Variants in SOX1 observed in about 807,000 individuals in gnomAD.
The protein encoded by SOX1 is transcription factor SOX-1.
In SOX1, 1 loss-of-function variant was observed where a neutral mutation model predicts 0.9. That is an observed-to-expected ratio of 1.07 (90% confidence interval 0.38 to 5.06). The LOEUF (loss-of-function observed/expected upper bound fraction) is 5.06. Among genes scored for constraint, SOX1 ranks in the 30% most tolerant of loss-of-function variants. The pLI is 0.16. For synonymous variants in SOX1, 397 were observed against 265.5 expected (o/e 1.50, Z -4.81); for missense variants, 564 against 534.4 (o/e 1.06, Z -0.55).
chr13:112,068,910 G>C lies in SOX1; in HGVS notation c.*76G>C. 1 of 1,112,158 alleles carries C rather than the reference G, an allele frequency of 9.0e-7. No individual in the cohort carries two copies. The highest frequency in any genetic ancestry group is 1.1e-6 in the Non-Finnish European group (1 of 887,068). 68.9% of individuals were successfully genotyped at this position (1,112,158 alleles called of 1,614,324 possible). A position where few individuals can be genotyped will look rare whatever the true frequency, so the allele number is the denominator to read the frequency against. ...CCGCGCCCGGCTCCCGCCCCGCCCC[G>C]GCGCGGCGTGGCTTTTGTACAGACG... On this transcript the variant is annotated 3_prime_UTR_variant, in exon 1 of 1. Coordinates refer to ENST00000330949, the MANE Select transcript of SOX1 (RefSeq NM_005986.3). This position sits in a 1 kb window ranked among gnomAD's most constrained non-coding sequence, Gnocchi z 6.9.
chr13:112,068,193 G>A lies in SOX1; in HGVS notation c.535G>A (p.Gly179Ser), dbSNP rs2138616462. 2.5e-6 allele frequency: 2 copies of A among 813,200 alleles called. No homozygotes were observed. Among genetic ancestry groups the A allele is most frequent in the South Asian group, 5.3e-5 (1 of 18,758 alleles). 50.4% of individuals were successfully genotyped at this position (813,200 alleles called of 1,614,324 possible). A position where few individuals can be genotyped will look rare whatever the true frequency, so the allele number is the denominator to read the frequency against. Reference sequence around the variant, plus strand: ...GGAGAGCCCAGGCGGCGCGGCGGGCGGCGGCTACGCGCACGTCAACGGCTG... The same window carrying A: ...GGAGAGCCCAGGCGGCGCGGCGGGCAGCGGCTACGCGCACGTCAACGGCTG... ...RLESPGGAAG[G>S]GYAHVNGWAN... Residue 179 changes from glycine to serine, a missense_variant, in exon 1 of 1, where the codon GGC (glycine) becomes AGC (serine). By Grantham distance (56) the Gly-to-Ser change is moderately conservative. Transcript: ENST00000330949. This position sits in a 1 kb window ranked among gnomAD's most constrained non-coding sequence, Gnocchi z 6.9.
In SOX1 at chr13:112,068,883, G is replaced by A; in HGVS notation, c.*49G>A. The stretch of plus-strand genomic sequence containing the variant: ...TGCGGCGGCGACCCACGAGCTCGCG[G>A]CCCGCGCCCGGCTCCCGCCCCGCCC... On this transcript the variant is annotated 3_prime_UTR_variant, in exon 1 of 1. Coordinates refer to ENST00000330949, the MANE Select transcript of SOX1 (RefSeq NM_005986.3). The surrounding 1 kb of genome is among the most constrained non-coding windows in gnomAD (Gnocchi z 6.9). The A allele has an allele frequency of 8.4e-7, 1 of 1,188,172 alleles. No individual in the cohort carries two copies. The highest frequency in any genetic ancestry group is 1.1e-6 in the Non-Finnish European group (1 of 949,666). 73.6% of individuals were successfully genotyped at this position (1,188,172 alleles called of 1,614,324 possible).
At position 112,067,735 on chromosome 13, in the gene SOX1, C is replaced by A. The variant is rs745918667; in HGVS notation, c.77C>A (p.Ala26Asp). The change falls in exon 1 of 1, where the codon GCC becomes GAC. Residue 26 changes from alanine to aspartate, a missense_variant. Coordinates refer to ENST00000330949, the MANE Select transcript of SOX1 (RefSeq NM_005986.3). The surrounding 1 kb of genome is among the most constrained non-coding windows in gnomAD (Gnocchi z 5.1). ...AQAPTNLSGP[A>D]GAGGGGGGGG... ...GCCCCCACGAACCTCTCGGGCCCCG[C>A]CGGGGCGGGCGGCGGCGGGGGCGGA... 1 of 1,232,868 alleles carries A rather than the reference C, an allele frequency of 8.1e-7. No individual in the cohort carries two copies. Among genetic ancestry groups the A allele is most frequent in the Admixed American group, 4.2e-5 (1 of 23,982 alleles). The allele number at this position is 1,232,868 out of a possible 1,614,324, so 76.4% of individuals were successfully genotyped here.
rs1459150955 is a variant in SOX1 at position 112,068,117 on chromosome 13, G to A, written c.459G>A (p.Val153=). Residue 153 remains valine, a synonymous_variant, in exon 1 of 1, where the codon GTG becomes GTA. Transcript: ENST00000330949. The surrounding 1 kb of genome is among the most constrained non-coding windows in gnomAD (Gnocchi z 6.9). ...GCGCGGGTGGCGGCGGCGCGGCTGT[G>A]GCCATGGGCGTGGGCGTGGGCGTGG... ...AAGAGGGGAA[V]AMGVGVGVGA... is the part of the protein sequence containing the mutation. 2 of 1,341,136 alleles carry A rather than the reference G, an allele frequency of 1.5e-6. No individual in the cohort carries two copies. The highest frequency in any genetic ancestry group is 6.8e-5 in the East Asian group (2 of 29,502). 83.1% of individuals were successfully genotyped at this position (1,341,136 alleles called of 1,614,324 possible). A position where few individuals can be genotyped will look rare whatever the true frequency, so the allele number is the denominator to read the frequency against.
In SOX1 at chr13:112,068,127, G is replaced by A. The variant is rs1192747864; in HGVS notation, c.469G>A (p.Val157Met). ...GGGGAAVAMGVGVGVGAAAVG... is the reference protein window; with the variant it reads ...GGGGAAVAMGMGVGVGAAAVG... Reference sequence around the variant, plus strand: ...CGGCGGCGCGGCTGTGGCCATGGGCGTGGGCGTGGGCGTGGGCGCGGCGGC... The same window carrying A: ...CGGCGGCGCGGCTGTGGCCATGGGCATGGGCGTGGGCGTGGGCGCGGCGGC... Residue 157 changes from valine to methionine, a missense_variant, in exon 1 of 1, where the codon GTG becomes ATG. Transcript: ENST00000330949. The surrounding 1 kb of genome is among the most constrained non-coding windows in gnomAD (Gnocchi z 6.9). The A allele has an allele frequency of 6.6e-6, 6 of 913,434 alleles. No individual in the cohort carries two copies. Among genetic ancestry groups the A allele is most frequent in the South Asian group, 6.1e-5 (1 of 16,518 alleles). The allele number at this position is 913,434 out of a possible 1,614,324, so 56.6% of individuals were successfully genotyped here. A position where few individuals can be genotyped will look rare whatever the true frequency, so the allele number is the denominator to read the frequency against.
chr13:112,067,778 C>A lies in SOX1; in HGVS notation c.120C>A (p.Gly40=), dbSNP rs373543612. 255 of 1,316,598 alleles carry A rather than the reference C, an allele frequency of 1.9e-4. 3 individuals are homozygous for A. Among genetic ancestry groups the A allele is most frequent in the Admixed American group, 5.3e-4 (17 of 31,886 alleles). 81.6% of individuals were successfully genotyped at this position (1,316,598 alleles called of 1,614,324 possible). The part of the protein sequence containing the change: ...GGGGGGGGGG[G]GGGAKANQDR... ...GGGGCGGAGGCGGGGGCGGCGGCGG[C>A]GGCGGGGGCGCCAAGGCCAACCAGG... is the stretch of plus-strand genomic sequence containing the variant. Residue 40 remains glycine, a synonymous_variant, in exon 1 of 1, where the codon GGC becomes GGA. Transcript: ENST00000330949. The surrounding 1 kb of genome is among the most constrained non-coding windows in gnomAD (Gnocchi z 5.1).
At position 112,067,411 on chromosome 13, in the gene SOX1, C is replaced by T. The variant is rs1402206490; in HGVS notation, c.-248C>T. ...CGGCGAAGACGGCGACCCCGACCGT[C>T]GGCCTCTTTGGCAAGTGGTTTGTGC... On this transcript the variant is annotated 5_prime_UTR_variant, in exon 1 of 1. Transcript: ENST00000330949. The surrounding 1 kb of genome is among the most constrained non-coding windows in gnomAD (Gnocchi z 5.1). Among the ~76,000 whole-genome samples, 1 of 152,168 alleles carries T rather than the reference C, an allele frequency of 6.6e-6. No homozygotes were observed. Among genetic ancestry groups the T allele is most frequent in the Non-Finnish European group, 1.5e-5 (1 of 68,034 alleles).
rs1190730775 is a variant in SOX1 at position 112,069,704 on chromosome 13, C to G, written c.*870C>G. The G allele has an allele frequency of 1.2e-5, 2 of 167,026 alleles. No homozygotes were observed. Among genetic ancestry groups the G allele is most frequent in the African/African-American group, 4.8e-5 (2 of 41,406 alleles). The allele number at this position is 167,026 out of a possible 1,614,324, so 10.3% of individuals were successfully genotyped here. A position where few individuals can be genotyped will look rare whatever the true frequency, so the allele number is the denominator to read the frequency against. ...TGAGTTCAAAATGCAATGAGGAAAT[C>G]TGACAGGGAAATTATCTGTATGAAC... On this transcript the variant is annotated 3_prime_UTR_variant, in exon 1 of 1. Coordinates refer to ENST00000330949, the MANE Select transcript of SOX1 (RefSeq NM_005986.3).
chr13:112,067,737 G>C lies in SOX1; in HGVS notation c.79G>C (p.Gly27Arg). 6 of 1,229,872 alleles carry C rather than the reference G, an allele frequency of 4.9e-6. No homozygotes were observed. Among genetic ancestry groups the C allele is most frequent in the Non-Finnish European group, 6.1e-6 (6 of 980,866 alleles). 76.2% of individuals were successfully genotyped at this position (1,229,872 alleles called of 1,614,324 possible). A position where few individuals can be genotyped will look rare whatever the true frequency, so the allele number is the denominator to read the frequency against. ...QAPTNLSGPA[G>R]AGGGGGGGGG... The stretch of plus-strand genomic sequence containing the variant: ...CCCCACGAACCTCTCGGGCCCCGCC[G>C]GGGCGGGCGGCGGCGGGGGCGGAGG... The change falls in exon 1 of 1, where the codon GGG becomes CGG. Residue 27 changes from glycine to arginine, a missense_variant. Gly to Arg is a moderately radical substitution (Grantham distance 125). Transcript: ENST00000330949. This position sits in a 1 kb window ranked among gnomAD's most constrained non-coding sequence, Gnocchi z 5.1.
Position 112,068,362 on chromosome 13 carries a change from A to T in SOX1, c.704A>T (p.His235Leu). The change falls in exon 1 of 1, where the codon CAC becomes CTC. Residue 235 changes from histidine to leucine, a missense_variant. By Grantham distance (99) the His-to-Leu change is moderately conservative. Transcript: ENST00000330949. The surrounding 1 kb of genome is among the most constrained non-coding windows in gnomAD (Gnocchi z 6.9). ...CACCCCGCGCACCCGCACCCGCACC[A>T]CCCGCACGCGCACCCGCACAACCCG... ...HAHPAHPHPH[H>L]PHAHPHNPQP... 7.9e-7 allele frequency: 1 copy of T among 1,263,446 alleles called. No homozygotes were observed. The highest frequency in any genetic ancestry group is 2.9e-5 in the Admixed American group (1 of 34,630). 78.3% of individuals were successfully genotyped at this position (1,263,446 alleles called of 1,614,324 possible).
chr13:112,067,936 C>T lies in SOX1; in HGVS notation c.278C>T (p.Ser93Phe). Residue 93 changes from serine (S) to phenylalanine (F), a missense_variant, in exon 1 of 1, where the codon TCC (serine) becomes TTC (phenylalanine). Coordinates refer to ENST00000330949, the MANE Select transcript of SOX1 (RefSeq NM_005986.3). This position sits in a 1 kb window ranked among gnomAD's most constrained non-coding sequence, Gnocchi z 5.1. The stretch of plus-strand genomic sequence containing the variant: ...CTGGGGGCCGAGTGGAAGGTCATGT[C>T]CGAGGCCGAGAAGCGGCCGTTCATC... Reference protein sequence around the residue: ...KRLGAEWKVMSEAEKRPFIDE... With the variant: ...KRLGAEWKVMFEAEKRPFIDE... 1 of 1,607,736 alleles carries T rather than the reference C, an allele frequency of 6.2e-7. No homozygotes were observed. Among genetic ancestry groups the T allele is most frequent in the East Asian group, 2.2e-5 (1 of 44,692 alleles).
In SOX1 at chr13:112,068,226, G is replaced by T; in HGVS notation, c.568G>T (p.Gly190Cys). ...GYAHVNGWAN[G>C]AYPGSVAAAA... ...CGCGCACGTCAACGGCTGGGCCAAC[G>T]GCGCCTACCCCGGCTCGGTGGCGGC... is the stretch of plus-strand genomic sequence containing the variant. Residue 190 changes from glycine (G) to cysteine (C), a missense_variant, in exon 1 of 1, where the codon GGC becomes TGC. Coordinates refer to ENST00000330949, the MANE Select transcript of SOX1 (RefSeq NM_005986.3). This position sits in a 1 kb window ranked among gnomAD's most constrained non-coding sequence, Gnocchi z 6.9. 1 of 752,918 alleles carries T rather than the reference G, an allele frequency of 1.3e-6. No individual in the cohort carries two copies. The highest frequency in any genetic ancestry group is 1.6e-6 in the Non-Finnish European group (1 of 613,778). The allele number at this position is 752,918 out of a possible 1,614,324, so 46.6% of individuals were successfully genotyped here.
Position 112,068,419 on chromosome 13 carries a change from T to C in SOX1, c.761T>C (p.Leu254Pro). The C allele has an allele frequency of 2.3e-6, 3 of 1,286,562 alleles. No homozygotes were observed. The highest frequency in any genetic ancestry group is 2.0e-6 in the Non-Finnish European group (2 of 996,728). The allele number at this position is 1,286,562 out of a possible 1,614,324, so 79.7% of individuals were successfully genotyped here. A position where few individuals can be genotyped will look rare whatever the true frequency, so the allele number is the denominator to read the frequency against. Residue 254 changes from leucine to proline, a missense_variant, in exon 1 of 1, where the codon CTG becomes CCG. Leu to Pro is a moderately conservative substitution (Grantham distance 98). Transcript: ENST00000330949. The surrounding 1 kb of genome is among the most constrained non-coding windows in gnomAD (Gnocchi z 6.9). ...QPMHRYDMGA[L>P]QYSPISNSQG... is the part of the protein sequence containing the mutation. Reference sequence around the variant, plus strand: ...ATGCACCGCTACGACATGGGCGCGCTGCAGTACAGCCCCATCTCCAACTCG... The same window carrying C: ...ATGCACCGCTACGACATGGGCGCGCCGCAGTACAGCCCCATCTCCAACTCG...
Position 112,068,179 on chromosome 13 carries a change from G to A in SOX1, c.521G>A (p.Gly174Asp). The stretch of plus-strand genomic sequence containing the variant: ...GTGGGCCAGCGCCTGGAGAGCCCAG[G>A]CGGCGCGGCGGGCGGCGGCTACGCG... ...AAVGQRLESP[G>D]GAAGGGYAHV... The change falls in exon 1 of 1, where the codon GGC (glycine) becomes GAC (aspartate). Residue 174 changes from glycine (G) to aspartate (D), a missense_variant. Gly to Asp is a moderately conservative substitution (Grantham distance 94, BLOSUM62 -1). Transcript: ENST00000330949. This position sits in a 1 kb window ranked among gnomAD's most constrained non-coding sequence, Gnocchi z 6.9. 1 of 843,730 alleles carries A rather than the reference G, an allele frequency of 1.2e-6. No homozygotes were observed. Among genetic ancestry groups the A allele is most frequent in the South Asian group, 5.2e-5 (1 of 19,262 alleles). 52.3% of individuals were successfully genotyped at this position (843,730 alleles called of 1,614,324 possible).
At position 112,068,735 on chromosome 13, in the gene SOX1, AGCAGCG is replaced by A. The variant is rs1488334800; in HGVS notation, c.1080_1085del (p.Ala363_Ala364del). 7 of 1,187,038 alleles carry A rather than the reference AGCAGCG, an allele frequency of 5.9e-6. No homozygotes were observed. Among genetic ancestry groups the A allele is most frequent in the African/African-American group, 1.6e-5 (1 of 61,930 alleles). The allele number at this position is 1,187,038 out of a possible 1,614,324, so 73.5% of individuals were successfully genotyped here. On this transcript the variant is annotated inframe_deletion, in exon 1 of 1. Transcript: ENST00000330949. This position sits in a 1 kb window ranked among gnomAD's most constrained non-coding sequence, Gnocchi z 6.9. ...GCGAGGGGGGCGACCCGGCGGCGGC[AGCAGCG>A]GCCGCGGCGCAGAGCCGGCTGCACT...
rs760295282 is a variant in SOX1, at chr13:112,067,941, G to A, written c.283G>A (p.Ala95Thr). The A allele has an allele frequency of 1.9e-6, 3 of 1,607,590 alleles. No homozygotes were observed. Among genetic ancestry groups the A allele is most frequent in the Non-Finnish European group, 2.5e-6 (3 of 1,176,746 alleles). The change falls in exon 1 of 1, where the codon GCC (alanine) becomes ACC (threonine). Residue 95 changes from alanine to threonine, a missense_variant. Coordinates refer to ENST00000330949, the MANE Select transcript of SOX1 (RefSeq NM_005986.3). The surrounding 1 kb of genome is among the most constrained non-coding windows in gnomAD (Gnocchi z 5.1). Reference sequence around the variant, plus strand: ...GGCCGAGTGGAAGGTCATGTCCGAGGCCGAGAAGCGGCCGTTCATCGACGA... The same window carrying A: ...GGCCGAGTGGAAGGTCATGTCCGAGACCGAGAAGCGGCCGTTCATCGACGA... ...LGAEWKVMSE[A>T]EKRPFIDEAK...
rs1242486299 is a variant in SOX1 at position 112,067,425 on chromosome 13, A to C, written c.-234A>C. 1.3e-5 allele frequency among the ~76,000 whole-genome samples: 2 copies of C among 152,112 alleles called. No homozygotes were observed. The highest frequency in any genetic ancestry group is 2.9e-5 in the Non-Finnish European group (2 of 68,012). On this transcript the variant is annotated 5_prime_UTR_variant, in exon 1 of 1. Transcript: ENST00000330949. This position sits in a 1 kb window ranked among gnomAD's most constrained non-coding sequence, Gnocchi z 5.1. ...ACCCCGACCGTCGGCCTCTTTGGCAAGTGGTTTGTGCATCAGGAGAAACTT... is the reference window on the plus strand; with the variant it reads ...ACCCCGACCGTCGGCCTCTTTGGCACGTGGTTTGTGCATCAGGAGAAACTT...
rs745603262 is a variant in SOX1 at position 112,068,099 on chromosome 13, T to TGTC, written c.442_443insTCG (p.Gly147_Gly148insVal). On this transcript the variant is annotated inframe_insertion, in exon 1 of 1. Coordinates refer to ENST00000330949, the MANE Select transcript of SOX1 (RefSeq NM_005986.3). This position sits in a 1 kb window ranked among gnomAD's most constrained non-coding sequence, Gnocchi z 6.9. The stretch of plus-strand genomic sequence containing the variant: ...GCGGGCTCCTGGCGGCCGGCGCGGG[T>TGTC]GGCGGCGGCGCGGCTGTGGCCATGG... 5.7e-5 allele frequency: 85 copies of TGTC among 1,504,052 alleles called. No individual in the cohort carries two copies. The highest frequency in any genetic ancestry group is 7.2e-5 in the Non-Finnish European group (81 of 1,122,100). The allele number at this position is 1,504,052 out of a possible 1,614,324, so 93.2% of individuals were successfully genotyped here.
chr13:112,068,340 C>T lies in SOX1; in HGVS notation c.682C>T (p.Pro228Ser). 1 of 1,200,322 alleles carries T rather than the reference C, an allele frequency of 8.3e-7. No individual in the cohort carries two copies. 74.4% of individuals were successfully genotyped at this position (1,200,322 alleles called of 1,614,324 possible). Residue 228 changes from proline to serine, a missense_variant, in exon 1 of 1, where the codon CCC becomes TCC. Transcript: ENST00000330949. The surrounding 1 kb of genome is among the most constrained non-coding windows in gnomAD (Gnocchi z 6.9). ...GGGCGGCGCGCACCCGCACGCGCAC[C>T]CCGCGCACCCGCACCCGCACCACCC... is the stretch of plus-strand genomic sequence containing the variant. ...GAGGAHPHAH[P>S]AHPHPHHPHA...
Sources: gnomAD v4.1 joint callset for allele counts (sites outside exome capture counted in the v4.1 genomes callset) on GRCh38, gnomAD v4.1.1 for gene constraint, Gnocchi (gnomAD v3.1) non-coding constraint, MANE v1.5 for transcripts, NCBI Gene and HGNC (gene_info 2026-07-23, HGNC 2026-07-21) for gene names.